The following LRRC4C variants were observed in gnomAD, a reference collection of about 807,000 sequenced individuals.
LRRC4C encodes the protein leucine-rich repeat-containing protein 4C.
In LRRC4C, 5 loss-of-function variants were observed where a neutral mutation model predicts 33.6. That is an observed-to-expected ratio of 0.15 (90% confidence interval 0.08 to 0.31). LRRC4C has a LOEUF of 0.31. LRRC4C is among the 10% of genes least tolerant of loss of function. The pLI is 1.00. For synonymous variants in LRRC4C, 329 were observed against 302.0 expected (o/e 1.09, Z -0.93); for missense variants, 560 against 796.7 (o/e 0.70, Z 3.58).
chr11:40,495,067 C>G (rs898196123), intron 3 of LRRC4C, among the ~76,000 whole-genome samples: 3 of 152,126 alleles, frequency 2.0e-5, no homozygotes, highest in Non-Finnish European at 2.9e-5. Context: ...ATATTATTAT[C>G]GATAAGTGTC....
At chr11:40,471,673 A>G (rs2138295886) in intron 3 of LRRC4C, among the ~76,000 whole-genome samples, 1 of 136,306 alleles carries the variant, frequency 7.3e-6, no homozygotes, top group African/African-American at 2.7e-5. Context: ...TACTAAGCAA[A>G]TGGAAAGCCA....
intron 1 of LRRC4C, among the ~76,000 whole-genome samples, chr11:41,149,587 C>T (rs1399016480): frequency 6.7e-6 from 1 of 149,536 alleles, no homozygotes; most frequent in Non-Finnish European, 1.5e-5. Context: ...AAAGGCAAAA[C>T]TGGCTCCAAT....
intron 3 of LRRC4C, among the ~76,000 whole-genome samples, chr11:40,360,996 C>G (rs6485191): frequency 0.2 from 30,364 of 152,058 alleles, 3,291 homozygotes; most frequent in East Asian, 0.3. Flanking sequence ...AGATAAAAAT[C>G]ACGGGATTAT....
chr11:40,865,547 A>T (rs1954322520), intron 2 of LRRC4C, among the ~76,000 whole-genome samples: 1 of 150,962 alleles, frequency 6.6e-6, no homozygotes, highest in South Asian at 2.1e-4. Context: ...TCAAAACATC[A>T]TGTTGTATGT....
intron 3 of LRRC4C, among the ~76,000 whole-genome samples, chr11:40,502,326 C>T (rs1590935080): frequency 6.6e-6 from 1 of 152,268 alleles, no homozygotes; most frequent in East Asian, 1.9e-4. Flanking sequence ...GGTATCTTTT[C>T]AGCAGTGCCC....
At chr11:40,663,489 A>G (rs1943554602) in intron 2 of LRRC4C, among the ~76,000 whole-genome samples, 1 of 152,212 alleles carries the variant, frequency 6.6e-6, no homozygotes, top group Non-Finnish European at 1.5e-5. Flanking sequence ...ATTTTCTATT[A>G]TAAGACAGGT....
At chr11:40,129,114 C>T (rs1010842110) in intron 6 of LRRC4C, among the ~76,000 whole-genome samples, 1 of 151,918 alleles carries the variant, frequency 6.6e-6, no homozygotes. Context: ...AATGAGTGCC[C>T]CACGCAGACA....
chr11:40,655,447 C>T (rs937104692), intron 2 of LRRC4C, among the ~76,000 whole-genome samples: 5 of 152,040 alleles, frequency 3.3e-5, no homozygotes, highest in African/African-American at 4.8e-5. Context: ...GGCAAACATG[C>T]TATTATTAAG....
chr11:41,200,038 A>AC (rs1271468104), intron 1 of LRRC4C, among the ~76,000 whole-genome samples: 1 of 151,976 alleles, frequency 6.6e-6, no homozygotes, highest in Non-Finnish European at 1.5e-5. Flanking sequence ...TATGTAAAAA[A>AC]CCATGTTGTT....
rs534666474 is a variant in LRRC4C at position 40,221,689 on chromosome 11, T to C, written c.-96+19830A>G. On this transcript the variant is annotated intron_variant, in intron 5 of 6. Transcript: ENST00000528697. ...ACACCCTGGGCCTGGTAGTTAAAGA[T>C]TGACCCCTGACCTAATCGGTTATGC... is the stretch of plus-strand genomic sequence containing the variant. Among the ~76,000 whole-genome samples the C allele has an allele frequency of 1.6e-3, 238 of 152,270 alleles. 1 individual carries two copies. Among genetic ancestry groups the C allele is most frequent in the African/African-American group, 3.2e-3 (133 of 41,564 alleles).
chr11:40,680,620 G>T (rs1944640412), intron 2 of LRRC4C, among the ~76,000 whole-genome samples: 1 of 152,120 alleles, frequency 6.6e-6, no homozygotes, highest in South Asian at 2.1e-4. Context: ...AAGCTATTTT[G>T]TTTGCCTGCT....
intron 2 of LRRC4C, among the ~76,000 whole-genome samples, chr11:40,903,675 G>C (rs894078891): frequency 1.3e-5 from 2 of 152,110 alleles, no homozygotes; most frequent in Non-Finnish European, 2.9e-5. Flanking sequence ...ACTTTGAGGG[G>C]TTCAAGACTT....
intron 3 of LRRC4C, among the ~76,000 whole-genome samples, chr11:40,590,967 A>C (rs867185467): frequency 0.027 from 4,144 of 152,110 alleles, 47 homozygotes; most frequent in African/African-American, 0.094. Context: ...TGGAGCCTAC[A>C]GAGGCAGGCA....
At chr11:40,736,238 G>A (rs979688728) in intron 2 of LRRC4C, among the ~76,000 whole-genome samples, 8 of 151,392 alleles carry the variant, frequency 5.3e-5, no homozygotes, top group South Asian at 2.1e-4. Context: ...TGTTCACCTC[G>A]CACTTATAAG....
At chr11:40,425,716 A>G (rs1950686351) in intron 3 of LRRC4C, among the ~76,000 whole-genome samples, 2 of 152,230 alleles carry the variant, frequency 1.3e-5, no homozygotes, top group Admixed American at 1.3e-4. Context: ...TAGTGACACT[A>G]ATTGTCTTGT....
intron 1 of LRRC4C, among the ~76,000 whole-genome samples, chr11:41,145,376 C>A (rs1943684271): frequency 6.6e-6 from 1 of 151,768 alleles, no homozygotes; most frequent in Admixed American, 6.6e-5. Flanking sequence ...TTATTCTTTT[C>A]TTGCCTCTAT....
At chr11:41,449,278 G>A (rs937303395) in intron 1 of LRRC4C, among the ~76,000 whole-genome samples, 1 of 152,122 alleles carries the variant, frequency 6.6e-6, no homozygotes, top group Admixed American at 6.6e-5. Context: ...GGAAAAGTTG[G>A]AGCTAAATAT....
intron 3 of LRRC4C, among the ~76,000 whole-genome samples, chr11:40,589,440 G>C (rs2135720286): frequency 6.6e-6 from 1 of 152,248 alleles, no homozygotes; most frequent in African/African-American, 2.4e-5. Context: ...CAATTTGGCA[G>C]TCTGTGTCTT....
intron 3 of LRRC4C, among the ~76,000 whole-genome samples, chr11:40,518,004 T>C (rs1746677700): frequency 6.6e-6 from 1 of 152,078 alleles, no homozygotes; most frequent in Non-Finnish European, 1.5e-5. Context: ...AAATAAGCAA[T>C]GGGGAAAGGA....
Sources: allele counts gnomAD v4.1 joint callset (sites outside exome capture counted in the v4.1 genomes callset), GRCh38; gene constraint gnomAD v4.1.1; transcripts MANE v1.5; gene names NCBI Gene and HGNC (gene_info 2026-07-23, HGNC 2026-07-21).